Variants in CACNG4 observed in about 807,000 individuals in gnomAD.
The protein encoded by CACNG4 is calcium voltage-gated channel auxiliary subunit gamma 4.
CACNG4 carries 8 observed loss-of-function variants against 22.9 expected under a neutral mutation model. That is an observed-to-expected ratio of 0.35 (90% CI 0.21 to 0.63). The LOEUF (loss-of-function observed/expected upper bound fraction) is 0.63, where lower values mean the gene tolerates loss of function less well. Among genes scored for constraint, CACNG4 ranks in the 30% least tolerant of loss-of-function variants. The probability of loss-of-function intolerance (pLI) is 0.72; values close to 1 mark genes in which losing one functional copy is unlikely to be tolerated. For missense variants in CACNG4, 357 were observed against 455.4 expected (o/e 0.78, Z 1.97); for synonymous variants, 188 against 191.9 (o/e 0.98, Z 0.17).
In CACNG4 at chr17:66,984,842, G is replaced by C. The variant is rs181264344; in HGVS notation, c.220+19711G>C. On this transcript the variant is annotated intron_variant, in intron 1 of 3. Coordinates refer to ENST00000262138, the MANE Select transcript of CACNG4 (RefSeq NM_014405.4). This position sits in a 1 kb window ranked among gnomAD's most constrained non-coding sequence, Gnocchi z 4.0. ...TGAACCCGAGCCTGAGTTTAGCCTC[G>C]AGCCTGAGCCTGCCTCAGGGTCCCC... Among the ~76,000 whole-genome samples the C allele has an allele frequency of 6.6e-6, 1 of 152,200 alleles. No individual in the cohort carries two copies. Among genetic ancestry groups the C allele is most frequent in the East Asian group, 1.9e-4 (1 of 5,176 alleles).
chr17:67,001,734 TC>T (rs2035409057), intron 1 of CACNG4, among the ~76,000 whole-genome samples: 1 of 152,234 alleles, frequency 6.6e-6, no homozygotes, highest in African/African-American at 2.4e-5. Flanking sequence ...TTCCAGGACT[TC>T]AGGGGCCCTC....
intron 1 of CACNG4, among the ~76,000 whole-genome samples, chr17:67,003,248 C>T (rs2035419081): frequency 6.6e-6 from 1 of 151,882 alleles, no homozygotes; most frequent in South Asian, 2.1e-4. Flanking sequence ...CCCCATTTCA[C>T]AGATGGGAAA....
At chr17:66,970,334 A>C (rs1263456499) in intron 1 of CACNG4, among the ~76,000 whole-genome samples, 2 of 152,198 alleles carry the variant, frequency 1.3e-5, no homozygotes, top group East Asian at 3.9e-4. Context: ...TGACGTCATA[A>C]AATATGATAG....
chr17:66,977,174 C>A (rs1332723971), intron 1 of CACNG4, among the ~76,000 whole-genome samples: 2 of 152,184 alleles, frequency 1.3e-5, no homozygotes, highest in Admixed American at 1.3e-4. Context: ...TCTCCCTGCT[C>A]TCCACACACA....
intron 1 of CACNG4, among the ~76,000 whole-genome samples, chr17:66,981,613 C>T (rs1226871653): frequency 6.6e-6 from 1 of 152,208 alleles, no homozygotes; most frequent in African/African-American, 2.4e-5. Context: ...TGTTTGTCAC[C>T]AGTGGCCTCT....
intron 2 of CACNG4, among the ~76,000 whole-genome samples, chr17:67,018,966 G>T (rs774515448): frequency 5.3e-5 from 8 of 151,966 alleles, no homozygotes; most frequent in Non-Finnish European, 1.0e-4. Context: ...CCCACACTAA[G>T]TCCAGATCTC....
At chr17:66,995,222 T>C (rs1336765388) in intron 1 of CACNG4, among the ~76,000 whole-genome samples, 3 of 152,156 alleles carry the variant, frequency 2.0e-5, no homozygotes, top group Admixed American at 2.0e-4. Flanking sequence ...TGGAAATGGG[T>C]GTCTCTGGCT....
chr17:67,025,128 AACTG>A, intron 3 of CACNG4, 128 bp downstream of exon 3: 2 of 864,322 alleles, frequency 2.3e-6, no homozygotes, highest in South Asian at 5.1e-5. Context: ...CGCCACATGC[AACTG>A]ACTTGTAAAG....
Position 67,031,017 on chromosome 17 carries a change from TTCTC to T in CACNG4, c.*16_*19del. 6.2e-7 allele frequency: 1 copy of T among 1,602,208 alleles called. No individual in the cohort carries two copies. Among genetic ancestry groups the T allele is most frequent in the Non-Finnish European group, 8.5e-7 (1 of 1,172,650 alleles). ...GACCCCTGTGTGAGCCGCCTGCCCT[TTCTC>T]TCCGCTCCAGCCTCTCCCCAGAACG... On this transcript the variant is annotated 3_prime_UTR_variant, in exon 4 of 4. Coordinates refer to ENST00000262138, the MANE Select transcript of CACNG4 (RefSeq NM_014405.4). This position sits in a 1 kb window ranked among gnomAD's most constrained non-coding sequence, Gnocchi z 4.0.
Position 67,030,869 on chromosome 17 carries a change from C to G in CACNG4, c.849C>G (p.Pro283=), listed in dbSNP as rs1457530696. 6.2e-7 allele frequency: 1 copy of G among 1,612,990 alleles called. No individual in the cohort carries two copies. The highest frequency in any genetic ancestry group is 8.5e-7 in the Non-Finnish European group (1 of 1,179,998). Residue 283 remains proline (P), a synonymous_variant, in exon 4 of 4, where the codon CCC becomes CCG. Transcript: ENST00000262138. The surrounding 1 kb of genome is among the most constrained non-coding windows in gnomAD (Gnocchi z 6.4). The part of the protein sequence containing the change: ...ELSMYTLSRE[P]LKVTTAASYS... ...CCATGTACACGCTGTCCAGGGAGCC[C>G]CTCAAGGTGACCACCGCAGCCAGCT...
chr17:67,007,652 C>T (rs112281907), intron 1 of CACNG4, among the ~76,000 whole-genome samples: 1 of 152,152 alleles, frequency 6.6e-6, no homozygotes, highest in African/African-American at 2.4e-5. Flanking sequence ...TTTCCTCAGT[C>T]GTCACTGAAT....
intron 1 of CACNG4, 149 bp downstream of exon 1, chr17:66,965,280 C>T (rs2035162371): frequency 1.8e-6 from 1 of 563,662 alleles, no homozygotes; most frequent in African/African-American, 2.0e-5. Flanking sequence ...GGCGCTGGCT[C>T]CGCGCGAGAC....
chr17:66,973,821 G>C (rs958526910), intron 1 of CACNG4, among the ~76,000 whole-genome samples: 1 of 152,174 alleles, frequency 6.6e-6, no homozygotes, highest in South Asian at 2.1e-4. Context: ...CCAGGGAGAG[G>C]CCAGGGAGGG....
At chr17:67,022,195 C>T (rs929766892) in intron 2 of CACNG4, among the ~76,000 whole-genome samples, 24 of 152,102 alleles carry the variant, frequency 1.6e-4, no homozygotes, top group Admixed American at 5.2e-4. Context: ...GTGCCTCAGC[C>T]TCCTGAATCG....
intron 1 of CACNG4, among the ~76,000 whole-genome samples, chr17:66,982,019 A>G (rs925220745): frequency 1.3e-5 from 2 of 152,194 alleles, no homozygotes; most frequent in African/African-American, 4.8e-5. Flanking sequence ...TCCAGAGTTG[A>G]TTCATTCTGA....
intron 2 of CACNG4, among the ~76,000 whole-genome samples, chr17:67,024,557 G>C (rs979659816): frequency 3.3e-5 from 5 of 152,236 alleles, no homozygotes; most frequent in African/African-American, 1.2e-4. Context: ...GATGCGGTTT[G>C]TTGCTTTCAT....
At chr17:66,980,671 G>A (rs2035266679) in intron 1 of CACNG4, among the ~76,000 whole-genome samples, 1 of 126,096 alleles carries the variant, frequency 7.9e-6, no homozygotes, top group Non-Finnish European at 1.5e-5. Flanking sequence ...TGCCCAGGTT[G>A]GAGTGCAGTG....
chr17:66,980,617 A>ATTT (rs1173198753), intron 1 of CACNG4, among the ~76,000 whole-genome samples: 1 of 116,090 alleles, frequency 8.6e-6, no homozygotes, highest in Non-Finnish European at 1.6e-5. Flanking sequence ...CTTTGTGTAA[A>ATTT]TTCTTTTTTT....
At chr17:66,979,968 C>A (rs910969656) in intron 1 of CACNG4, among the ~76,000 whole-genome samples, 23 of 152,090 alleles carry the variant, frequency 1.5e-4, no homozygotes, top group South Asian at 8.3e-4. Context: ...GTTAGCCAGG[C>A]TGGTCTTGAA....
Sources: gnomAD v4.1 joint callset for allele counts (sites outside exome capture counted in the v4.1 genomes callset) on GRCh38, gnomAD v4.1.1 for gene constraint, Gnocchi (gnomAD v3.1) non-coding constraint, MANE v1.5 for transcripts, NCBI Gene and HGNC (gene_info 2026-07-23, HGNC 2026-07-21) for gene names.